The following DOCK11 variants were observed in gnomAD, a reference collection of about 807,000 sequenced individuals.
DOCK11 encodes dedicator of cytokinesis protein 11.
A neutral mutation model predicts 169.1 loss-of-function variants in DOCK11; 70 were observed. That is an observed-to-expected ratio of 0.41 (90% CI 0.34 to 0.51). The LOEUF (loss-of-function observed/expected upper bound fraction) is 0.51, where lower values mean the gene tolerates loss of function less well. Ranked by LOEUF, DOCK11 falls within the 20% of genes least tolerant of loss-of-function variation. The probability of loss-of-function intolerance (pLI) is 0.10; values close to 1 mark genes in which losing one functional copy is unlikely to be tolerated. For missense variants in DOCK11, 1,166 were observed against 1,538.8 expected, an observed-to-expected ratio of 0.76 and a Z score of 4.05; for synonymous variants, 529 against 541.3, an observed-to-expected ratio of 0.98 and a Z score of 0.32.
chrX:118,590,341 G>C, intron 19 of DOCK11, 39 bp downstream of exon 19: 2 of 1,034,506 alleles, frequency 1.9e-6, no homozygotes, highest in Non-Finnish European at 2.7e-6. Context: ...AAACACAGTG[G>C]TTGGAATTCT....
rs925374025 is a variant in DOCK11, at chrX:118,624,600, T to C, written c.3533T>C (p.Ile1178Thr). The C allele has an allele frequency of 6.6e-6, 8 of 1,207,974 alleles. No homozygotes were observed. Among genetic ancestry groups the C allele is most frequent in the African/African-American group, 5.3e-5 (3 of 56,920 alleles). ...LPFVGLLLEN[I>T]QRLAGRDTLY... ...TTTGTTGGACTACTTTTGGAAAATA[T>C]ACAGCGATTAGCAGGTCGAGATACC... is the stretch of plus-strand genomic sequence containing the variant. Residue 1178 changes from isoleucine to threonine, a missense_variant, in exon 32 of 53, where the codon ATA becomes ACA. Transcript: ENST00000276202.
intron 14 of DOCK11, among the ~76,000 whole-genome samples, chrX:118,581,327 C>T (rs189307653): frequency 2.7e-4 from 30 of 111,482 alleles, no homozygotes; most frequent in African/African-American, 9.1e-4. Flanking sequence ...CACTATTGTC[C>T]TTGTTTTGCA....
intron 21 of DOCK11, among the ~76,000 whole-genome samples, 192 bp downstream of exon 21, chrX:118,597,744 G>C (rs1185312066): frequency 9.0e-6 from 1 of 111,574 alleles, no homozygotes; most frequent in Non-Finnish European, 1.9e-5. Context: ...TTTTATGTCT[G>C]TTGATTTTAA....
intron 1 of DOCK11, among the ~76,000 whole-genome samples, chrX:118,514,191 G>T (rs1435066281): frequency 9.1e-6 from 1 of 109,710 alleles, no homozygotes; most frequent in Non-Finnish European, 1.9e-5. Context: ...GAGGGTGCCT[G>T]CTTCTCCTTT....
chrX:118,639,287 C>T lies in DOCK11; in HGVS notation c.4002-148C>T, dbSNP rs986324170. 1.9e-5 allele frequency: 10 copies of T among 525,605 alleles called. No homozygotes were observed. The African/African-American group carries it at 2.1e-4, about 11-fold the overall frequency. 43.3% of individuals were successfully genotyped at this position (525,605 alleles called of 1,213,427 possible). On this transcript the variant is annotated intron_variant, in intron 37 of 52. Transcript: ENST00000276202. ...ATGCTATTTTAAAGATACATTAAAA[C>T]TTCATCCAGTTTCTAGTGACACTTC...
chrX:118,619,970 G>A (rs951364840), intron 31 of DOCK11, among the ~76,000 whole-genome samples: 4 of 109,488 alleles, frequency 3.7e-5, no homozygotes, highest in African/African-American at 6.6e-5. Flanking sequence ...GGCACACACC[G>A]TCATGCCCAG....
chrX:118,634,299 TC>T (rs1569436195), intron 35 of DOCK11: 1 of 112,180 alleles, frequency 8.9e-6, no homozygotes, highest in Non-Finnish European at 1.9e-5. Context: ...ACACCCTCGT[TC>T]CCTGCCTGCA....
chrX:118,581,033 G>A (rs1186853597), intron 14 of DOCK11, among the ~76,000 whole-genome samples: 1 of 111,889 alleles, frequency 8.9e-6, no homozygotes, highest in African/African-American at 3.3e-5. Flanking sequence ...TCCAAATTTT[G>A]TAAATCCATG....
rs189536675 is a variant in DOCK11 at position 118,586,555 on chromosome X, C to T, written c.1795+1438C>T. Among the ~76,000 whole-genome samples the T allele has an allele frequency of 2.1e-4, 23 of 111,672 alleles. No individual in the cohort carries two copies. In the East Asian group the frequency reaches 6.2e-3, roughly 30 times the overall value. On this transcript the variant is annotated intron_variant, in intron 16 of 52. Transcript: ENST00000276202. The stretch of plus-strand genomic sequence containing the variant: ...CCCTCAACACCTGGGGATTACAATT[C>T]ATGGTGAGATTTGGGTGGAGACACA...
Position 118,671,117 on chromosome X carries a change from C to T in DOCK11, c.5171C>T (p.Pro1724Leu), listed in dbSNP as rs199754781. Reference protein sequence around the residue: ...IISEISKLIVPIYEKRREFEK... With the variant: ...IISEISKLIVLIYEKRREFEK... Reference sequence around the variant, plus strand: ...TCTGAGATTTCCAAGTTGATCGTTCCAATTTATGAGAAACGTCGTGAGTTT... The same window carrying T: ...TCTGAGATTTCCAAGTTGATCGTTCTAATTTATGAGAAACGTCGTGAGTTT... Residue 1724 changes from proline to leucine, a missense_variant, in exon 46 of 53, where the codon CCA becomes CTA. By Grantham distance (98) the Pro-to-Leu change is moderately conservative (BLOSUM62 -3). Transcript: ENST00000276202. 103 of 1,203,375 alleles carry T rather than the reference C, an allele frequency of 8.6e-5. No homozygotes were observed. Among genetic ancestry groups the T allele is most frequent in the Non-Finnish European group, 1.1e-4 (96 of 891,025 alleles).
chrX:118,507,055 A>G (rs1221187330), intron 1 of DOCK11, among the ~76,000 whole-genome samples: 1 of 112,636 alleles, frequency 8.9e-6, no homozygotes, highest in Non-Finnish European at 1.9e-5. Flanking sequence ...TAAATTTGCT[A>G]TTAATGATTT....
At chrX:118,684,007 T>C (rs2016799250) in intron 52 of DOCK11, among the ~76,000 whole-genome samples, 1 of 112,058 alleles carries the variant, frequency 8.9e-6, no homozygotes, top group Non-Finnish European at 1.9e-5. Context: ...TTTTGGCAAA[T>C]GTTGACTTTG....
rs756744345 is a variant in DOCK11, at chrX:118,568,181, T to A, written c.1035+19T>A. The A allele has an allele frequency of 2.1e-6, 2 of 970,794 alleles. No homozygotes were observed. The highest frequency in any genetic ancestry group is 2.8e-6 in the Non-Finnish European group (2 of 709,695). 80.0% of individuals were successfully genotyped at this position (970,794 alleles called of 1,213,427 possible). A position where few individuals can be genotyped will look rare whatever the true frequency, so the allele number is the denominator to read the frequency against. On this transcript the variant is annotated intron_variant, in intron 10 of 52. Transcript: ENST00000276202. Reference sequence around the variant, plus strand: ...AGTTCAGGTATTAATGATACATTTCTTTAATAGTCCTAGAATTATTGCTTA... The same window carrying A: ...AGTTCAGGTATTAATGATACATTTCATTAATAGTCCTAGAATTATTGCTTA...
chrX:118,547,286 G>A (rs1431037621), intron 6 of DOCK11, among the ~76,000 whole-genome samples: 2 of 111,895 alleles, frequency 1.8e-5, no homozygotes, highest in Non-Finnish European at 3.8e-5. Context: ...AGTAGAAACC[G>A]TGGGTATCTA....
intron 37 of DOCK11, among the ~76,000 whole-genome samples, chrX:118,639,129 T>G (rs1201299122): frequency 8.9e-6 from 1 of 112,000 alleles, no homozygotes; most frequent in Non-Finnish European, 1.9e-5. Flanking sequence ...GCTGTCTTCT[T>G]CCCACTCTTG....
intron 1 of DOCK11, among the ~76,000 whole-genome samples, chrX:118,534,441 G>A (rs1209733562): frequency 8.9e-6 from 1 of 112,224 alleles, no homozygotes; most frequent in African/African-American, 3.2e-5. Context: ...TAGCTCTTGA[G>A]TTTTTGTAAA....
chrX:118,527,054 A>T (rs1342061990), intron 1 of DOCK11, among the ~76,000 whole-genome samples: 1 of 111,813 alleles, frequency 8.9e-6, no homozygotes, highest in Non-Finnish European at 1.9e-5. Flanking sequence ...TTGCTCTAAA[A>T]CCCAGGAATT....
intron 46 of DOCK11, among the ~76,000 whole-genome samples, chrX:118,674,605 T>TATGA (rs772092032): frequency 2.7e-5 from 3 of 112,363 alleles, no homozygotes; most frequent in Non-Finnish European, 5.6e-5. Context: ...TTTTGTCTAT[T>TATGA]ATGAATAGTG....
chrX:118,660,251 A>G (rs760727873), intron 44 of DOCK11, among the ~76,000 whole-genome samples: 8 of 112,177 alleles, frequency 7.1e-5, no homozygotes, highest in African/African-American at 2.3e-4. Context: ...CCATGTCACT[A>G]AACACTCTGT....
Sources: gnomAD v4.1 joint callset for allele counts (sites outside exome capture counted in the v4.1 genomes callset) on GRCh38, gnomAD v4.1.1 for gene constraint, MANE v1.5 for transcripts, NCBI Gene and HGNC (gene_info 2026-07-23, HGNC 2026-07-21) for gene names.